The following MPHOSPH8 variants were observed in gnomAD, a reference collection of about 807,000 sequenced individuals.
The protein encoded by MPHOSPH8 is M-phase phosphoprotein, mpp.
In MPHOSPH8, 45 loss-of-function variants were observed where a neutral mutation model predicts 87.3. The ratio of observed to expected loss-of-function variants is 0.52; its 90% CI spans 0.41 to 0.66. The LOEUF (loss-of-function observed/expected upper bound fraction) is 0.66, where lower values mean the gene tolerates loss of function less well. Among genes scored for constraint, MPHOSPH8 ranks in the 30% least tolerant of loss-of-function variants. MPHOSPH8 has a pLI of 0.00. For missense variants in MPHOSPH8, 883 were observed against 1,020.2 expected, an observed-to-expected ratio of 0.87 and a Z score of 1.83; for synonymous variants, 366 against 376.9, an observed-to-expected ratio of 0.97 and a Z score of 0.33.
chr13:19,657,343 C>T (rs1875245533), intron 5 of MPHOSPH8, among the ~76,000 whole-genome samples: 1 of 151,836 alleles, frequency 6.6e-6, no homozygotes. Context: ...TGGTGAAACC[C>T]CATCTCTACT....
At chr13:19,654,888 C>G (rs1271983827) in intron 5 of MPHOSPH8, among the ~76,000 whole-genome samples, 3 of 151,862 alleles carry the variant, frequency 2.0e-5, no homozygotes, top group Non-Finnish European at 4.4e-5. Context: ...GCAGAGGTTT[C>G]AGTGAGCTGA....
At chr13:19,661,656 G>A (rs749311033) in intron 7 of MPHOSPH8, 42 bp from the exon 8 acceptor site, 1 of 1,548,834 alleles carries the variant, frequency 6.5e-7, no homozygotes, top group East Asian at 2.4e-5. Flanking sequence ...AAATTGTTCT[G>A]ACTAAAGATT....
rs567740790 is a variant in MPHOSPH8, at chr13:19,658,173, G to A, written c.1577-822G>A. ...AGTGTTAGTTTGAGTTGAGGGCTTT[G>A]GAAAAGTTCTTCATTTATTGCATAT... On this transcript the variant is annotated intron_variant, in intron 5 of 13. Transcript: ENST00000361479. 2.9e-4 allele frequency among the ~76,000 whole-genome samples: 44 copies of A among 152,246 alleles called. 1 individual carries two copies. In the South Asian group the frequency reaches 8.9e-3, roughly 31 times the overall value.
At chr13:19,642,040 GTTTTTT>G (rs35022508) in intron 1 of MPHOSPH8, 69 bp from the exon 2 acceptor site, 2 of 555,946 alleles carry the variant, frequency 3.6e-6, no homozygotes, top group African/African-American at 4.1e-5. Flanking sequence ...CTTCTCATCA[GTTTTTT>G]TTTTTTTTTT....
chr13:19,639,085 A>G (rs1451516869), intron 1 of MPHOSPH8, among the ~76,000 whole-genome samples: 2 of 150,802 alleles, frequency 1.3e-5, no homozygotes, highest in African/African-American at 4.9e-5. Flanking sequence ...TCCGTCTCAA[A>G]AAAAAAAAAA....
chr13:19,649,508 T>C (rs1874733766), intron 4 of MPHOSPH8, among the ~76,000 whole-genome samples: 1 of 152,158 alleles, frequency 6.6e-6, no homozygotes, highest in African/African-American at 2.4e-5. Context: ...TACCTGCCAG[T>C]TTTCTTCCCA....
In MPHOSPH8 at chr13:19,646,812, A is replaced by C. The variant is rs1316609780; in HGVS notation, c.739A>C (p.Lys247Gln). The C allele has an allele frequency of 2.6e-5, 41 of 1,592,624 alleles. No homozygotes were observed. The highest frequency in any genetic ancestry group is 3.7e-5 in the Admixed American group (2 of 53,804). ...DLKTKTREDPKENRKTKKEKF... is the reference protein window; with the variant it reads ...DLKTKTREDPQENRKTKKEKF... The stretch of plus-strand genomic sequence containing the variant: ...AAAGACGAAAACAAGAGAAGATCCC[A>C]AAGAAAATAGAAAAACAAAAAAAGA... The change falls in exon 3 of 14, where the codon AAA becomes CAA. Residue 247 changes from lysine to glutamine, a missense_variant. By Grantham distance (53) the Lys-to-Gln change is moderately conservative (BLOSUM62 1). Coordinates refer to ENST00000361479, the MANE Select transcript of MPHOSPH8 (RefSeq NM_017520.4).
In MPHOSPH8 at chr13:19,671,259, C is replaced by T. The variant is rs150697463; in HGVS notation, c.2511C>T (p.Phe837=). The T allele has an allele frequency of 1.8e-4, 290 of 1,614,026 alleles. 1 individual carries two copies. The highest frequency in any genetic ancestry group is 1.8e-4 in the Non-Finnish European group (207 of 1,179,962). The change falls in exon 13 of 14, where the codon TTC becomes TTT. Residue 837 remains phenylalanine, a synonymous_variant. Transcript: ENST00000361479. ...CTGTTGCAGGTCCCAATAAACTCTT[C>T]ATAAGGTTGACAGAAGCACCCTCTG... The part of the protein sequence containing the change: ...FSPVAGPNKL[F]IRLTEAPSAK...
Position 19,650,098 on chromosome 13 carries a change from C to A in MPHOSPH8, c.1414C>A (p.Pro472Thr). The change falls in exon 5 of 14, where the codon CCA becomes ACA. Residue 472 changes from proline (P) to threonine (T), a missense_variant. Physicochemically the swap from Pro to Thr is conservative, Grantham distance 38. Coordinates refer to ENST00000361479, the MANE Select transcript of MPHOSPH8 (RefSeq NM_017520.4). ...SENNRKREEI[P>T]LDFKTIDDHK... ...GAATAATCGGAAAAGGGAAGAAATA[C>A]CACTGGATTTTAAAACCATAGACGA... 5 of 1,613,726 alleles carry A rather than the reference C, an allele frequency of 3.1e-6. No individual in the cohort carries two copies. Among genetic ancestry groups the A allele is most frequent in the African/African-American group, 1.3e-5 (1 of 74,954 alleles).
At chr13:19,656,106 A>G (rs1875149757) in intron 5 of MPHOSPH8, among the ~76,000 whole-genome samples, 1 of 152,024 alleles carries the variant, frequency 6.6e-6, no homozygotes, top group South Asian at 2.1e-4. Context: ...CGTCTCAACA[A>G]CAACGTAATA....
chr13:19,673,088 G>C lies in MPHOSPH8; in HGVS notation c.*1213G>C. 1 of 292,966 alleles carries C rather than the reference G, an allele frequency of 3.4e-6. No homozygotes were observed. Among genetic ancestry groups the C allele is most frequent in the Non-Finnish European group, 6.8e-6 (1 of 147,344 alleles). The allele number at this position is 292,966 out of a possible 1,614,324, so 18.1% of individuals were successfully genotyped here. A position where few individuals can be genotyped will look rare whatever the true frequency, so the allele number is the denominator to read the frequency against. On this transcript the variant is annotated 3_prime_UTR_variant, in exon 14 of 14. Coordinates refer to ENST00000361479, the MANE Select transcript of MPHOSPH8 (RefSeq NM_017520.4). ...AAAAAAGTTTCTTGGAACCTATACG[G>C]TTTTTTTTTGTTTTTTTTTTTTGAA...
chr13:19,644,559 A>G (rs931547091), intron 2 of MPHOSPH8, among the ~76,000 whole-genome samples: 2 of 152,222 alleles, frequency 1.3e-5, no homozygotes, highest in African/African-American at 4.8e-5. Context: ...TCTGAAGTTC[A>G]TGCTTTAGTA....
At chr13:19,667,163 G>GC (rs1322928801) in intron 10 of MPHOSPH8, among the ~76,000 whole-genome samples, 4 of 151,974 alleles carry the variant, frequency 2.6e-5, no homozygotes, top group African/African-American at 4.8e-5. Context: ...CTCTGTTTCC[G>GC]CCCCCCACCA....
chr13:19,652,457 T>C (rs1189829386), intron 5 of MPHOSPH8, among the ~76,000 whole-genome samples: 1 of 152,132 alleles, frequency 6.6e-6, no homozygotes, highest in Non-Finnish European at 1.5e-5. Flanking sequence ...TTCCCTCTGG[T>C]GGCTATGCCG....
At chr13:19,666,019 G>GT (rs1024047282) in intron 9 of MPHOSPH8, among the ~76,000 whole-genome samples, 1 of 152,174 alleles carries the variant, frequency 6.6e-6, no homozygotes, top group African/African-American at 2.4e-5. Flanking sequence ...CCAGGCTTAC[G>GT]TATCTCTGCG....
At chr13:19,654,766 T>C (rs1348360658) in intron 5 of MPHOSPH8, among the ~76,000 whole-genome samples, 1 of 152,028 alleles carries the variant, frequency 6.6e-6, no homozygotes, top group African/African-American at 2.4e-5. Context: ...CTTACCAACA[T>C]GGAAAAACCC....
chr13:19,661,915 G>C, intron 8 of MPHOSPH8, 77 bp downstream of exon 8: 7 of 1,435,088 alleles, frequency 4.9e-6, no homozygotes, highest in Non-Finnish European at 6.5e-6. Flanking sequence ...CTCTTTGGTA[G>C]TGAAATATAG....
rs369081538 is a variant in MPHOSPH8 at position 19,666,584 on chromosome 13, G to A, written c.2174+5G>A. ...GCTGAAGAACCATTTAGAGACGTAAGTGAGAAGCGACTGTGCCATAGTTAA... is the reference window on the plus strand; with the variant it reads ...GCTGAAGAACCATTTAGAGACGTAAATGAGAAGCGACTGTGCCATAGTTAA... On this transcript the variant is annotated splice_donor_5th_base_variant and intron_variant, in intron 10 of 13. Coordinates refer to ENST00000361479, the MANE Select transcript of MPHOSPH8 (RefSeq NM_017520.4). The A allele has an allele frequency of 6.4e-7, 1 of 1,572,664 alleles. No homozygotes were observed. Among genetic ancestry groups the A allele is most frequent in the Non-Finnish European group, 8.7e-7 (1 of 1,147,932 alleles).
chr13:19,636,678 G>A (rs1469499499), intron 1 of MPHOSPH8, among the ~76,000 whole-genome samples: 2 of 151,950 alleles, frequency 1.3e-5, no homozygotes, highest in Admixed American at 6.6e-5. Flanking sequence ...GTCTCCCTAC[G>A]TTGCCCATGC....
Sources: gnomAD v4.1 joint callset for allele counts (sites outside exome capture counted in the v4.1 genomes callset) on GRCh38, gnomAD v4.1.1 for gene constraint, MANE v1.5 for transcripts, NCBI Gene and HGNC (gene_info 2026-07-23, HGNC 2026-07-21) for gene names.